ALDH8A1: variants seen among roughly 807,000 people sequenced by gnomAD.
The protein encoded by ALDH8A1 is aldehyde dehydrogenase 8 family member A1, also known as 2-aminomuconic semialdehyde dehydrogenase.
Under a neutral mutation model 43.3 loss-of-function variants are expected in ALDH8A1, and 39 were observed. That is an observed-to-expected ratio of 0.90 (90% confidence interval 0.70 to 1.18). ALDH8A1 has a LOEUF of 1.18. Ranked by LOEUF, ALDH8A1 falls within the 50% of genes most tolerant of loss-of-function variation. The pLI is 0.00. For missense variants in ALDH8A1, 605 were observed against 622.6 expected (o/e 0.97, Z 0.30); for synonymous variants, 233 against 243.5 (o/e 0.96, Z 0.40).
At chr6:134,936,940 A>G (rs1773752867) in intron 4 of ALDH8A1, among the ~76,000 whole-genome samples, 1 of 152,174 alleles carries the variant, frequency 6.6e-6, no homozygotes, top group Non-Finnish European at 1.5e-5. Context: ...AACAGACGAG[A>G]ACAGACTAGA....
intron 6 of ALDH8A1, among the ~76,000 whole-genome samples, chr6:134,921,886 G>C (rs868431183): frequency 6.6e-6 from 1 of 152,214 alleles, no homozygotes; most frequent in Middle Eastern, 3.2e-3. Flanking sequence ...GAACTGAAGA[G>C]TCACAATCTG....
At chr6:134,932,603 T>C (rs1047076512) in intron 5 of ALDH8A1, among the ~76,000 whole-genome samples, 173 bp downstream of exon 5, 10 of 152,214 alleles carry the variant, frequency 6.6e-5, no homozygotes, top group East Asian at 3.9e-4. Context: ...GCAAGGCCAC[T>C]AATTAATGTT....
In ALDH8A1 at chr6:134,932,837, A is replaced by G. The variant is rs1467984945; in HGVS notation, c.788T>C (p.Phe263Ser). Residue 263 changes from phenylalanine to serine, a missense_variant, in exon 5 of 7, where the codon TTT becomes TCT. Transcript: ENST00000265605. ...ELGGKNPAII[F>S]EDANLDECIP... ...GCACTCATCCAGGTTGGCGTCCTCA[A>G]AGATGATGGCAGGATTCTTGCCCCC... 1 of 1,614,214 alleles carries G rather than the reference A, an allele frequency of 6.2e-7. No individual in the cohort carries two copies. The highest frequency in any genetic ancestry group is 2.2e-5 in the East Asian group (1 of 44,878).
rs1271740811 is a variant in ALDH8A1, at chr6:134,917,647, C to G, written c.*768G>C. On this transcript the variant is annotated 3_prime_UTR_variant, in exon 7 of 7. Transcript: ENST00000265605. The stretch of plus-strand genomic sequence containing the variant: ...AAATTCCAAAGACGTCCACAGCCCC[C>G]TTATGTAATGAGGTCCAATCAATGA... 6.6e-6 allele frequency: 1 copy of G among 152,264 alleles called. No individual in the cohort carries two copies. The highest frequency in any genetic ancestry group is 1.5e-5 in the Non-Finnish European group (1 of 68,084). 9.4% of individuals were successfully genotyped at this position (152,264 alleles called of 1,614,324 possible). A position where few individuals can be genotyped will look rare whatever the true frequency, so the allele number is the denominator to read the frequency against.
In ALDH8A1 at chr6:134,939,510, G is replaced by A. The variant is rs891146559; in HGVS notation, c.443-95C>T. The A allele has an allele frequency of 7.1e-6, 10 of 1,414,708 alleles. 1 individual carries two copies. The South Asian group carries it at 9.6e-5, about 14-fold the overall frequency. 87.6% of individuals were successfully genotyped at this position (1,414,708 alleles called of 1,614,324 possible). A position where few individuals can be genotyped will look rare whatever the true frequency, so the allele number is the denominator to read the frequency against. ...TATTAACGCAAAACTCCTTCATGCT[G>A]CAGAAAACTTAGCTTACTCTTCTAA... On this transcript the variant is annotated intron_variant, in intron 3 of 6. Coordinates refer to ENST00000265605, the MANE Select transcript of ALDH8A1 (RefSeq NM_022568.4).
chr6:134,939,188 C>T lies in ALDH8A1; in HGVS notation c.592+78G>A, dbSNP rs534783115. 4.6e-4 allele frequency: 724 copies of T among 1,564,620 alleles called. 1 individual carries two copies. The highest frequency in any genetic ancestry group is 6.0e-4 in the Non-Finnish European group (684 of 1,146,410). On this transcript the variant is annotated intron_variant, in intron 4 of 6. Coordinates refer to ENST00000265605, the MANE Select transcript of ALDH8A1 (RefSeq NM_022568.4). ...CATGATGTCACTGGAATCGATTGTGCTGCTGAGTGGAAGATTTCTATAAAC... is the reference window on the plus strand; with the variant it reads ...CATGATGTCACTGGAATCGATTGTGTTGCTGAGTGGAAGATTTCTATAAAC...
chr6:134,928,274 T>A (rs1448969423), intron 6 of ALDH8A1, among the ~76,000 whole-genome samples: 3 of 152,232 alleles, frequency 2.0e-5, no homozygotes, highest in Non-Finnish European at 4.4e-5. Flanking sequence ...AGCTACTTCA[T>A]CTTTCCATCT....
chr6:134,947,094 G>A (rs769354622), intron 1 of ALDH8A1, among the ~76,000 whole-genome samples: 30 of 152,264 alleles, frequency 2.0e-4, no homozygotes, highest in Admixed American at 5.9e-4. Flanking sequence ...CAGCCAACTC[G>A]TTTTTTACAA....
intron 6 of ALDH8A1, among the ~76,000 whole-genome samples, chr6:134,921,435 C>G (rs940717984): frequency 2.0e-5 from 3 of 152,122 alleles, no homozygotes; most frequent in African/African-American, 7.2e-5. Flanking sequence ...AGCAACCCTG[C>G]GAAAAGGCAA....
chr6:134,935,309 G>A (rs1349207073), intron 4 of ALDH8A1, among the ~76,000 whole-genome samples: 1 of 152,184 alleles, frequency 6.6e-6, no homozygotes, highest in Non-Finnish European at 1.5e-5. Context: ...ACAACCTTAG[G>A]ATGTAGGTAG....
At chr6:134,922,877 A>G (rs1343913662) in intron 6 of ALDH8A1, among the ~76,000 whole-genome samples, 1 of 152,184 alleles carries the variant, frequency 6.6e-6, no homozygotes, top group Non-Finnish European at 1.5e-5. Flanking sequence ...TCTTCAGTTG[A>G]GTTGATAGTA....
chr6:134,938,377 C>T (rs756584717), intron 4 of ALDH8A1, among the ~76,000 whole-genome samples: 2 of 152,178 alleles, frequency 1.3e-5, no homozygotes, highest in Non-Finnish European at 2.9e-5. Flanking sequence ...ATCCTGAATG[C>T]GGCCAATAAA....
chr6:134,942,958 C>G (rs1465977720), intron 2 of ALDH8A1, among the ~76,000 whole-genome samples: 1 of 152,196 alleles, frequency 6.6e-6, no homozygotes, highest in African/African-American at 2.4e-5. Flanking sequence ...CAAAACGAAA[C>G]ACTTTTATAC....
chr6:134,947,692 G>A (rs1334613457), intron 1 of ALDH8A1, among the ~76,000 whole-genome samples: 3 of 151,722 alleles, frequency 2.0e-5, no homozygotes, highest in Admixed American at 1.3e-4. Flanking sequence ...AAACCACAAC[G>A]AGTTATTATC....
intron 4 of ALDH8A1, among the ~76,000 whole-genome samples, chr6:134,936,839 A>G (rs1773751011): frequency 6.6e-6 from 1 of 152,176 alleles, no homozygotes; most frequent in Non-Finnish European, 1.5e-5. Context: ...CTAACCTTGA[A>G]GAGATTCTGG....
At position 134,918,830 on chromosome 6, in the gene ALDH8A1, G is replaced by T; in HGVS notation, c.1049C>A (p.Ala350Asp). 1 of 1,614,146 alleles carries T rather than the reference G, an allele frequency of 6.2e-7. No homozygotes were observed. Among genetic ancestry groups the T allele is most frequent in the Non-Finnish European group, 8.5e-7 (1 of 1,180,012 alleles). ...SYVKRALAEG[A>D]QIWCGEGVDK... ...CACTCCCTCACCGCACCAAATTTGG[G>T]CACCTTCAGCAAGAGCTCTCTTGAC... Residue 350 changes from alanine to aspartate, a missense_variant, in exon 7 of 7, where the codon GCC becomes GAC. Physicochemically the swap from Ala to Asp is moderately radical, Grantham distance 126. Transcript: ENST00000265605.
At position 134,917,985 on chromosome 6, in the gene ALDH8A1, A is replaced by G. The variant is rs1776733529; in HGVS notation, c.*430T>C. The G allele has an allele frequency of 1.1e-5, 2 of 183,608 alleles. No homozygotes were observed. The highest frequency in any genetic ancestry group is 1.1e-4 in the Admixed American group (2 of 18,054). 11.4% of individuals were successfully genotyped at this position (183,608 alleles called of 1,614,324 possible). A position where few individuals can be genotyped will look rare whatever the true frequency, so the allele number is the denominator to read the frequency against. ...ACCATGTTGCCTAGGCTGATCTCGA[A>G]CTCCTGAACTCAAGTGATCCACCCA... On this transcript the variant is annotated 3_prime_UTR_variant, in exon 7 of 7. Coordinates refer to ENST00000265605, the MANE Select transcript of ALDH8A1 (RefSeq NM_022568.4).
At chr6:134,922,848 A>G (rs1776826738) in intron 6 of ALDH8A1, among the ~76,000 whole-genome samples, 1 of 152,148 alleles carries the variant, frequency 6.6e-6, no homozygotes, top group Non-Finnish European at 1.5e-5. Context: ...CAGAAAATCA[A>G]AAGTAGTTGA....
rs770214677 is a variant in ALDH8A1, at chr6:134,932,911, C to A, written c.714G>T (p.Arg238=). Residue 238 remains arginine, a synonymous_variant, in exon 5 of 7, where the codon CGG becomes CGT. Transcript: ENST00000265605. The stretch of plus-strand genomic sequence containing the variant: ...AGTGGGGAGCGCTCAGCTGGGTGAT[C>A]CGCTCAGCGGTGGGCTGGCTCCCGG... ...SFTGSQPTAE[R]ITQLSAPHCK... is the part of the protein sequence containing the mutation. 28 of 1,614,184 alleles carry A rather than the reference C, an allele frequency of 1.7e-5. No homozygotes were observed. The highest frequency in any genetic ancestry group is 1.3e-5 in the Non-Finnish European group (15 of 1,180,038).
Sources: allele counts gnomAD v4.1 joint callset (sites outside exome capture counted in the v4.1 genomes callset), GRCh38; gene constraint gnomAD v4.1.1; transcripts MANE v1.5; gene names NCBI Gene and HGNC (gene_info 2026-07-23, HGNC 2026-07-21).